The following MTNR1B variants were observed in gnomAD, a reference collection of about 807,000 sequenced individuals.
MTNR1B encodes melatonin receptor 1B.
A neutral mutation model predicts 7.0 loss-of-function variants in MTNR1B; 7 were observed. The observed-to-expected ratio is 1.00, with a 90% CI of 0.57 to 1.88. MTNR1B has a LOEUF of 1.88. Among genes scored for constraint, MTNR1B ranks in the 40% most tolerant of loss-of-function variants. The probability of loss-of-function intolerance (pLI) is 0.00; values close to 1 mark genes in which losing one functional copy is unlikely to be tolerated. For synonymous variants in MTNR1B, 226 were observed against 208.2 expected, an observed-to-expected ratio of 1.09 and a Z score of -0.74; for missense variants, 478 against 486.5, an observed-to-expected ratio of 0.98 and a Z score of 0.16.
At chr11:92,974,144 T>C (rs1036810412) in intron 1 of MTNR1B, among the ~76,000 whole-genome samples, 1 of 152,214 alleles carries the variant, frequency 6.6e-6, no homozygotes, top group East Asian at 1.9e-4. Context: ...GCCCCTGATA[T>C]GCTTTGGCTG....
intron 1 of MTNR1B, among the ~76,000 whole-genome samples, chr11:92,973,285 A>C (rs936586923): frequency 1.3e-5 from 2 of 151,892 alleles, no homozygotes; most frequent in Non-Finnish European, 2.9e-5. Flanking sequence ...GCCCCACTTC[A>C]TGCCTTCATC....
intron 1 of MTNR1B, among the ~76,000 whole-genome samples, chr11:92,972,980 C>T (rs1424826478): frequency 1.3e-5 from 2 of 152,100 alleles, no homozygotes; most frequent in Non-Finnish European, 2.9e-5. Flanking sequence ...TAGTTGTGGA[C>T]ATCTACTGGT....
chr11:92,979,763 A>G (rs909966293), intron 1 of MTNR1B, among the ~76,000 whole-genome samples: 1 of 152,170 alleles, frequency 6.6e-6, no homozygotes, highest in African/African-American at 2.4e-5. Flanking sequence ...GGTTGACCCC[A>G]TTCCTCTGAG....
chr11:92,977,186 C>G (rs1287833120), intron 1 of MTNR1B, among the ~76,000 whole-genome samples: 1 of 152,086 alleles, frequency 6.6e-6, no homozygotes, highest in Non-Finnish European at 1.5e-5. Context: ...TATTGATTAG[C>G]CAGTTTTTGT....
chr11:92,976,183 A>G (rs1858006878), intron 1 of MTNR1B, among the ~76,000 whole-genome samples: 1 of 152,212 alleles, frequency 6.6e-6, no homozygotes, highest in Non-Finnish European at 1.5e-5. Context: ...GCATTCGGAT[A>G]TGATATACCA....
At chr11:92,979,092 G>T (rs1481211250) in intron 1 of MTNR1B, among the ~76,000 whole-genome samples, 1 of 152,186 alleles carries the variant, frequency 6.6e-6, no homozygotes, top group East Asian at 1.9e-4. Context: ...AGAAAAGAAA[G>T]GAGCTCATGT....
chr11:92,971,194 C>T (rs1364276508), intron 1 of MTNR1B, among the ~76,000 whole-genome samples: 2 of 151,758 alleles, frequency 1.3e-5, no homozygotes, highest in Admixed American at 6.6e-5. Context: ...CTCCTGACCT[C>T]AAGTGATCCA....
In MTNR1B at chr11:92,982,481, G is replaced by T; in HGVS notation, c.*169G>T. 1.3e-6 allele frequency: 1 copy of T among 778,660 alleles called. No individual in the cohort carries two copies. The highest frequency in any genetic ancestry group is 2.0e-6 in the Non-Finnish European group (1 of 501,286). The allele number at this position is 778,660 out of a possible 1,614,324, so 48.2% of individuals were successfully genotyped here. ...GACAAGCAGCCCATCAACGCCATGG[G>T]TTCAGGCTGATCCAGGAGATGCTCA... On this transcript the variant is annotated 3_prime_UTR_variant, in exon 2 of 2. Transcript: ENST00000257068.
In MTNR1B at chr11:92,969,889, T is replaced by C; in HGVS notation, c.164T>C (p.Val55Ala). The stretch of plus-strand genomic sequence containing the variant: ...CTCATCGTCACCACCGCCGTGGACG[T>C]CGTGGGCAACCTCCTGGTGATCCTC... Reference protein sequence around the residue: ...AVLIVTTAVDVVGNLLVILSV... With the variant: ...AVLIVTTAVDAVGNLLVILSV... The change falls in exon 1 of 2, where the codon GTC (valine) becomes GCC (alanine). Residue 55 changes from valine (V) to alanine (A), a missense_variant. By Grantham distance (64) the Val-to-Ala change is moderately conservative. Coordinates refer to ENST00000257068, the MANE Select transcript of MTNR1B (RefSeq NM_005959.5). 1 of 1,612,344 alleles carries C rather than the reference T, an allele frequency of 6.2e-7. No individual in the cohort carries two copies. Among genetic ancestry groups the C allele is most frequent in the Non-Finnish European group, 8.5e-7 (1 of 1,179,674 alleles).
chr11:92,980,517 G>A (rs1858085709), intron 1 of MTNR1B, among the ~76,000 whole-genome samples: 1 of 152,206 alleles, frequency 6.6e-6, no homozygotes, highest in Non-Finnish European at 1.5e-5. Flanking sequence ...TTTAGAGTAA[G>A]CCCTGCCTCT....
intron 1 of MTNR1B, among the ~76,000 whole-genome samples, chr11:92,978,546 A>G (rs1222688061): frequency 2.0e-5 from 3 of 152,208 alleles, no homozygotes; most frequent in African/African-American, 7.2e-5. Flanking sequence ...GAAGAAATGG[A>G]TGGAGAACTG....
At chr11:92,971,200 A>G (rs1565178079) in intron 1 of MTNR1B, among the ~76,000 whole-genome samples, 1 of 152,026 alleles carries the variant, frequency 6.6e-6, no homozygotes, top group Non-Finnish European at 1.5e-5. Flanking sequence ...ACCTCAAGTG[A>G]TCCACCCGCC....
Position 92,982,679 on chromosome 11 carries a change from C to A in MTNR1B, c.*367C>A. 3.6e-6 allele frequency: 1 copy of A among 280,216 alleles called. No individual in the cohort carries two copies. The allele number at this position is 280,216 out of a possible 1,614,324, so 17.4% of individuals were successfully genotyped here. A position where few individuals can be genotyped will look rare whatever the true frequency, so the allele number is the denominator to read the frequency against. On this transcript the variant is annotated 3_prime_UTR_variant, in exon 2 of 2. Transcript: ENST00000257068. ...CCTGGCTGCTTTCTCCCCTTCCCCC[C>A]AGCGTGGCAGGATCTCTTCCTGTTA...
At chr11:92,970,471 C>T (rs2136507891) in intron 1 of MTNR1B, among the ~76,000 whole-genome samples, 1 of 152,324 alleles carries the variant, frequency 6.6e-6, no homozygotes, top group Non-Finnish European at 1.5e-5. Context: ...GACCCAATTC[C>T]AGTTGACGGA....
chr11:92,973,358 T>C (rs1171294018), intron 1 of MTNR1B, among the ~76,000 whole-genome samples: 1 of 152,158 alleles, frequency 6.6e-6, no homozygotes, highest in Non-Finnish European at 1.5e-5. Flanking sequence ...CCCCAGCCAC[T>C]GTTACCACTG....
At position 92,969,796 on chromosome 11, in the gene MTNR1B, G is replaced by A. The variant is rs8192552; in HGVS notation, c.71G>A (p.Gly24Glu). ...TGGGCAGTGCGCCCGGGCTGGTCGGGGGCTGGCAGCGCGCGGCCCTCCAGG... is the reference window on the plus strand; with the variant it reads ...TGGGCAGTGCGCCCGGGCTGGTCGGAGGCTGGCAGCGCGCGGCCCTCCAGG... ...GGWAVRPGWS[G>E]AGSARPSRTP... The change falls in exon 1 of 2, where the codon GGG becomes GAG. Residue 24 changes from glycine to glutamate, a missense_variant. Coordinates refer to ENST00000257068, the MANE Select transcript of MTNR1B (RefSeq NM_005959.5). 0.078 allele frequency: 121,400 copies of A among 1,558,178 alleles called. 5,228 individuals carry two copies. The highest frequency in any genetic ancestry group is 0.095 in the African/African-American group (6,812 of 72,028).
chr11:92,981,422 ACTGTTGCT>A lies in MTNR1B; in HGVS notation c.224-19_224-12del. ...ATCTAAGTCGTGGGGTCTCGTGCTG[ACTGTTGCT>A]CTGTTTGCTGCTTCAGGTAATTTGT... On this transcript the variant is annotated splice_polypyrimidine_tract_variant and intron_variant, in intron 1 of 1. Coordinates refer to ENST00000257068, the MANE Select transcript of MTNR1B (RefSeq NM_005959.5). 2 of 1,598,986 alleles carry A rather than the reference ACTGTTGCT, an allele frequency of 1.3e-6. No homozygotes were observed. The highest frequency in any genetic ancestry group is 1.7e-6 in the Non-Finnish European group (2 of 1,171,148).
chr11:92,971,055 G>T (rs1857914143), intron 1 of MTNR1B, among the ~76,000 whole-genome samples: 1 of 152,134 alleles, frequency 6.6e-6, no homozygotes, highest in Non-Finnish European at 1.5e-5. Context: ...TGCCTCCCAG[G>T]TTCAAGGGAT....
downstream of MTNR1B, chr11:92,984,659 C>G: frequency 3.3e-6 from 1 of 299,660 alleles, no homozygotes; most frequent in Non-Finnish European, 6.6e-6. Flanking sequence ...TTATCCCTAT[C>G]TTTCAGTGCT....
Sources: gnomAD v4.1 joint callset for allele counts (sites outside exome capture counted in the v4.1 genomes callset) on GRCh38, gnomAD v4.1.1 for gene constraint, MANE v1.5 for transcripts, NCBI Gene and HGNC (gene_info 2026-07-23, HGNC 2026-07-21) for gene names.